The following TMED8 variants were observed in gnomAD, a reference collection of about 807,000 sequenced individuals.
The protein encoded by TMED8 is protein TMED8.
TMED8 carries 15 observed loss-of-function variants against 32.7 expected under a neutral mutation model. The observed-to-expected ratio is 0.46, with a 90% confidence interval of 0.31 to 0.71. The LOEUF (loss-of-function observed/expected upper bound fraction) is 0.71. Among genes scored for constraint, TMED8 ranks in the 30% least tolerant of loss-of-function variants. The probability of loss-of-function intolerance (pLI) is 0.06; values close to 1 mark genes in which losing one functional copy is unlikely to be tolerated. For missense variants in TMED8, 390 were observed against 423.9 expected, an observed-to-expected ratio of 0.92 and a Z score of 0.70; for synonymous variants, 147 against 161.4, an observed-to-expected ratio of 0.91 and a Z score of 0.68.
intron 2 of TMED8, among the ~76,000 whole-genome samples, chr14:77,347,078 C>A (rs1893065121): frequency 6.6e-6 from 1 of 152,146 alleles, no homozygotes; most frequent in African/African-American, 2.4e-5. Flanking sequence ...CCCCATCCCA[C>A]CCCCTGGCCC....
chr14:77,372,612 T>C (rs1263633834), intron 1 of TMED8, among the ~76,000 whole-genome samples: 5 of 152,082 alleles, frequency 3.3e-5, no homozygotes, highest in Admixed American at 1.3e-4. Flanking sequence ...GAGTGGGACA[T>C]GCTCCTGAGA....
At chr14:77,358,722 T>C (rs1233520462) in intron 1 of TMED8, among the ~76,000 whole-genome samples, 1 of 152,224 alleles carries the variant, frequency 6.6e-6, no homozygotes, top group Non-Finnish European at 1.5e-5. Flanking sequence ...AATGTAAATA[T>C]AATAGTTTTA....
At chr14:77,361,405 G>GT (rs1893431394) in intron 1 of TMED8, among the ~76,000 whole-genome samples, 1 of 152,052 alleles carries the variant, frequency 6.6e-6, no homozygotes, top group Non-Finnish European at 1.5e-5. Context: ...ATATGCTTGG[G>GT]TTTGTTTCTA....
rs1892867930 is a variant in TMED8 at position 77,340,439 on chromosome 14, C to T, written c.*1332G>A. The T allele has an allele frequency of 6.6e-6, 1 of 152,180 alleles. No individual in the cohort carries two copies. Among genetic ancestry groups the T allele is most frequent in the Admixed American group, 6.5e-5 (1 of 15,278 alleles). 9.4% of individuals were successfully genotyped at this position (152,180 alleles called of 1,614,324 possible). On this transcript the variant is annotated 3_prime_UTR_variant, in exon 6 of 6. Transcript: ENST00000216468. The stretch of plus-strand genomic sequence containing the variant: ...CTAATTATTCTTCAGAATTCGTAGG[C>T]AGTAACAGACATAACACGAGGAGTA...
At chr14:77,362,521 T>C (rs1893462704) in intron 1 of TMED8, among the ~76,000 whole-genome samples, 1 of 152,092 alleles carries the variant, frequency 6.6e-6, no homozygotes, top group South Asian at 2.1e-4. Flanking sequence ...CTCAGCATTA[T>C]AGAAAATCAC....
chr14:77,357,402 TAA>T (rs1893315415), intron 1 of TMED8, among the ~76,000 whole-genome samples: 2 of 152,238 alleles, frequency 1.3e-5, no homozygotes, highest in Admixed American at 1.3e-4. Flanking sequence ...AGGATTTCAT[TAA>T]AAACTAGAAA....
chr14:77,373,737 G>A (rs531803523), intron 1 of TMED8, among the ~76,000 whole-genome samples: 1 of 152,340 alleles, frequency 6.6e-6, no homozygotes, highest in African/African-American at 2.4e-5. Context: ...ACGCTGAAAT[G>A]TGATTTCCAA....
At position 77,346,760 on chromosome 14, in the gene TMED8, GTTTTTT is replaced by G; in HGVS notation, c.198-288_198-283del. The stretch of plus-strand genomic sequence containing the variant: ...TCATCTGAGATGGACTGCTGGTCTG[GTTTTTT>G]TTTTTTTTTTTTTTTTTTGTCATTG... On this transcript the variant is annotated intron_variant, in intron 2 of 5. Coordinates refer to ENST00000216468, the MANE Select transcript of TMED8 (RefSeq NM_213601.3). 2.2e-4 allele frequency among the ~76,000 whole-genome samples: 15 copies of G among 69,458 alleles called. No individual in the cohort carries two copies. The South Asian group carries it at 2.2e-3, about 10-fold the overall frequency. 45.6% of individuals were successfully genotyped at this position (69,458 alleles called of 152,430 possible).
intron 5 of TMED8, 90 bp downstream of exon 5, chr14:77,343,088 A>T: frequency 7.8e-7 from 1 of 1,288,966 alleles, no homozygotes; most frequent in Non-Finnish European, 1.1e-6. Flanking sequence ...CTGCATTCAA[A>T]GGAAGAGGAG....
rs545397607 is a variant in TMED8, at chr14:77,357,092, T to A, written c.119-5341A>T. ...TTTCAAGTACTCAATAGCCATGAGTTGCTAATGGCTACTGTTGCCAGGGAG... is the reference window on the plus strand; with the variant it reads ...TTTCAAGTACTCAATAGCCATGAGTAGCTAATGGCTACTGTTGCCAGGGAG... On this transcript the variant is annotated intron_variant, in intron 1 of 5. Transcript: ENST00000216468. Among the ~76,000 whole-genome samples the A allele has an allele frequency of 3.3e-5, 5 of 152,328 alleles. No homozygotes were observed. In the South Asian group the frequency reaches 1.0e-3, roughly 32 times the overall value.
intron 3 of TMED8, among the ~76,000 whole-genome samples, chr14:77,344,930 T>A (rs973806564): frequency 6.6e-6 from 1 of 152,234 alleles, no homozygotes; most frequent in African/African-American, 2.4e-5. Flanking sequence ...TTGCAACATA[T>A]TAGCTACATA....
intron 1 of TMED8, among the ~76,000 whole-genome samples, chr14:77,363,038 A>C (rs1184787508): frequency 1.3e-5 from 2 of 152,244 alleles, no homozygotes. Flanking sequence ...GGGGACCTCA[A>C]TATCCCATTT....
chr14:77,345,968 C>CAAAAAAAAAA (rs370981070), intron 3 of TMED8, among the ~76,000 whole-genome samples: 1 of 76,646 alleles, frequency 1.3e-5, no homozygotes, highest in Non-Finnish European at 2.5e-5. Flanking sequence ...GACCCTGTCT[C>CAAAAAAAAAA]AAAAAAAAAA....
intron 1 of TMED8, among the ~76,000 whole-genome samples, chr14:77,367,882 C>A (rs1008373262): frequency 2.0e-5 from 3 of 152,054 alleles, no homozygotes; most frequent in East Asian, 1.9e-4. Context: ...TTAGTAGAGA[C>A]GGGGTTTCAC....
rs1055225675 is a variant in TMED8 at position 77,337,403 on chromosome 14, T to C, written c.*4368A>G. Reference sequence around the variant, plus strand: ...GGAGACCAAGAAACAATTTTTTTTTTTTTGAGACGGAATCTTGCTCTGTTG... The same window carrying C: ...GGAGACCAAGAAACAATTTTTTTTTCTTTGAGACGGAATCTTGCTCTGTTG... On this transcript the variant is annotated 3_prime_UTR_variant, in exon 6 of 6. Transcript: ENST00000216468. 2 of 152,230 alleles carry C rather than the reference T, an allele frequency of 1.3e-5. No homozygotes were observed. Among genetic ancestry groups the C allele is most frequent in the African/African-American group, 4.8e-5 (2 of 41,414 alleles). 9.4% of individuals were successfully genotyped at this position (152,230 alleles called of 1,614,324 possible).
At position 77,352,741 on chromosome 14, in the gene TMED8, T is replaced by C. The variant is rs537134603; in HGVS notation, c.119-990A>G. ...GCGACAGAGCGAGACTCCAACTCAA[T>C]TAAAAAAAATTAATAAAAAGAAAGA... On this transcript the variant is annotated intron_variant, in intron 1 of 5. Coordinates refer to ENST00000216468, the MANE Select transcript of TMED8 (RefSeq NM_213601.3). 9.2e-5 allele frequency among the ~76,000 whole-genome samples: 14 copies of C among 152,066 alleles called. No individual in the cohort carries two copies. The East Asian group carries it at 2.7e-3, about 29-fold the overall frequency.
At chr14:77,374,992 G>C (rs576073293) in intron 1 of TMED8, among the ~76,000 whole-genome samples, 4 of 152,208 alleles carry the variant, frequency 2.6e-5, no homozygotes, top group Non-Finnish European at 5.9e-5. Context: ...AAAAACTTGC[G>C]CTAACTTGAA....
At chr14:77,350,923 GA>G (rs1893160929) in intron 2 of TMED8, among the ~76,000 whole-genome samples, 1 of 152,170 alleles carries the variant, frequency 6.6e-6, no homozygotes, top group Non-Finnish European at 1.5e-5. Flanking sequence ...GGCATTTGGG[GA>G]AAGATTAATT....
At position 77,340,918 on chromosome 14, in the gene TMED8, CTTT is replaced by C. The variant is rs1777663740; in HGVS notation, c.*850_*852del. ...TCTCTGTCAGATGATACCATTCCTT[CTTT>C]GATTATACCAAAAAAAAAAAAAAAA... On this transcript the variant is annotated 3_prime_UTR_variant, in exon 6 of 6. Coordinates refer to ENST00000216468, the MANE Select transcript of TMED8 (RefSeq NM_213601.3). 7.3e-6 allele frequency: 1 copy of C among 136,608 alleles called. No homozygotes were observed. Among genetic ancestry groups the C allele is most frequent in the Non-Finnish European group, 1.6e-5 (1 of 62,990 alleles). The allele number at this position is 136,608 out of a possible 1,614,324, so 8.5% of individuals were successfully genotyped here.
Sources: allele counts gnomAD v4.1 joint callset (sites outside exome capture counted in the v4.1 genomes callset), GRCh38; gene constraint gnomAD v4.1.1; transcripts MANE v1.5; gene names NCBI Gene and HGNC (gene_info 2026-07-23, HGNC 2026-07-21).